Variants in TRIM7 observed in about 807,000 individuals in gnomAD.
The protein encoded by TRIM7 is tripartite motif containing 7.
TRIM7 carries 32 observed loss-of-function variants against 37.9 expected under a neutral mutation model. The ratio of observed to expected loss-of-function variants is 0.84; its 90% CI spans 0.64 to 1.13. The LOEUF (loss-of-function observed/expected upper bound fraction) is 1.13, where lower values mean the gene tolerates loss of function less well. TRIM7 is among the 50% of genes most tolerant of loss of function. TRIM7 has a pLI of 0.00. For synonymous variants in TRIM7, 351 were observed against 321.3 expected, an observed-to-expected ratio of 1.09 and a Z score of -0.99; for missense variants, 732 against 714.0, an observed-to-expected ratio of 1.03 and a Z score of -0.29.
chr5:181,195,634 G>T lies in TRIM7; in HGVS notation c.1068C>A (p.Ile356=), dbSNP rs531072907. 1.3e-6 allele frequency: 2 copies of T among 1,546,626 alleles called. No homozygotes were observed. Among genetic ancestry groups the T allele is most frequent in the African/African-American group, 2.7e-5 (2 of 72,762 alleles). Residue 356 remains isoleucine (I), a synonymous_variant, in exon 7 of 7, where the codon ATC becomes ATA. Transcript: ENST00000274773. ...LDPDTANPRL[I]LSLDLKGVRL... is the part of the protein sequence containing the mutation. ...GCACGCCCTTAAGATCCAGAGAGAG[G>T]ATGAGGCGCGGGTTGGCCGTGTCGG...
chr5:181,204,636 G>A lies in TRIM7; in HGVS notation c.475C>T (p.Arg159Cys), dbSNP rs1338712491. Residue 159 changes from arginine to cysteine, a missense_variant, in exon 1 of 7, where the codon CGC (arginine) becomes TGC (cysteine). Arg to Cys is a radical substitution (Grantham distance 180). Coordinates refer to ENST00000274773, the MANE Select transcript of TRIM7 (RefSeq NM_203293.3). ...TCCAGCGGCAGCACGGCGTGCTCGC[G>A]GTGCTCGCGGGCGCGGTCGCACACC... Reference protein sequence around the residue: ...CVVCDRAREHREHAVLPLDEA... With the variant: ...CVVCDRAREHCEHAVLPLDEA... 4.0e-6 allele frequency: 6 copies of A among 1,484,192 alleles called. No homozygotes were observed. Among genetic ancestry groups the A allele is most frequent in the East Asian group, 2.7e-5 (1 of 36,402 alleles). The allele number at this position is 1,484,192 out of a possible 1,614,324, so 91.9% of individuals were successfully genotyped here. A position where few individuals can be genotyped will look rare whatever the true frequency, so the allele number is the denominator to read the frequency against.
chr5:181,195,446 C>A lies in TRIM7; in HGVS notation c.1256G>T (p.Arg419Leu). The change falls in exon 7 of 7, where the codon CGC (arginine) becomes CTC (leucine). Residue 419 changes from arginine to leucine, a missense_variant. Arg to Leu is a moderately radical substitution (Grantham distance 102). Transcript: ENST00000274773. The part of the protein sequence containing the change: ...WAFGVARESV[R>L]RKGLTPFTPE... ...AGTGAAGGGCGTCAGGCCCTTTCGG[C>A]GCACGCTCTCGCGGGCCACGCCAAA... 1 of 1,609,022 alleles carries A rather than the reference C, an allele frequency of 6.2e-7. No homozygotes were observed.
Sources: allele counts gnomAD v4.1 joint callset, GRCh38; gene constraint gnomAD v4.1.1; transcripts MANE v1.5; gene names NCBI Gene and HGNC (gene_info 2026-07-23, HGNC 2026-07-21).